PARD3B: variants seen among roughly 807,000 people sequenced by gnomAD.
PARD3B encodes the protein partitioning defective 3 homolog B.
PARD3B carries 103 observed loss-of-function variants against 130.2 expected under a neutral mutation model. The observed-to-expected ratio is 0.79, with a 90% CI of 0.67 to 0.93. PARD3B has a LOEUF of 0.93. PARD3B is among the 40% of genes least tolerant of loss of function. The probability of loss-of-function intolerance (pLI) is 0.00; values close to 1 mark genes in which losing one functional copy is unlikely to be tolerated. For missense variants in PARD3B, 1,609 were observed against 1,499.2 expected (o/e 1.07, Z -1.21); for synonymous variants, 583 against 553.2 (o/e 1.05, Z -0.76).
intron 18 of PARD3B, among the ~76,000 whole-genome samples, chr2:205,355,672 A>G (rs570465282): frequency 1.3e-5 from 2 of 152,304 alleles, no homozygotes; most frequent in South Asian, 4.1e-4. Flanking sequence ...TTTGCATATT[A>G]TATTAGTCAA....
chr2:205,553,415 A>G lies in PARD3B; in HGVS notation c.3260+12A>G. On this transcript the variant is annotated intron_variant, in intron 22 of 22. Transcript: ENST00000406610. ...GCATCCTTACCCAGGTAGATCACGG[A>G]GAGGTCTCCCATCTCCAGCTCACCT... 2 of 1,611,016 alleles carry G rather than the reference A, an allele frequency of 1.2e-6. No individual in the cohort carries two copies. Among genetic ancestry groups the G allele is most frequent in the South Asian group, 1.1e-5 (1 of 90,984 alleles).
At chr2:204,921,594 C>G (rs2047683110) in intron 2 of PARD3B, among the ~76,000 whole-genome samples, 1 of 152,046 alleles carries the variant, frequency 6.6e-6, no homozygotes. Flanking sequence ...TGGTGTTTAT[C>G]AGTGAAATAG....
At chr2:204,634,002 C>A (rs1326630155) in intron 1 of PARD3B, among the ~76,000 whole-genome samples, 1 of 152,054 alleles carries the variant, frequency 6.6e-6, no homozygotes, top group Non-Finnish European at 1.5e-5. Context: ...CAATTACACT[C>A]TTTAAGTTAT....
intron 2 of PARD3B, among the ~76,000 whole-genome samples, chr2:204,808,238 A>G (rs1009210295): frequency 2.0e-5 from 3 of 152,012 alleles, no homozygotes; most frequent in African/African-American, 7.3e-5. Flanking sequence ...TTTCATCTTC[A>G]TTTTAGTACC....
intron 2 of PARD3B, among the ~76,000 whole-genome samples, chr2:204,748,145 G>T (rs1381202052): frequency 6.6e-6 from 1 of 152,092 alleles, no homozygotes; most frequent in Non-Finnish European, 1.5e-5. Flanking sequence ...TAATATGGTT[G>T]AGTACGGTTG....
At chr2:204,738,436 G>C (rs2039852500) in intron 2 of PARD3B, among the ~76,000 whole-genome samples, 1 of 152,132 alleles carries the variant, frequency 6.6e-6, no homozygotes, top group Admixed American at 6.6e-5. Flanking sequence ...TTCTAATGTG[G>C]AACTAATGAG....
At chr2:205,119,736 C>T (rs760967773) in intron 7 of PARD3B, among the ~76,000 whole-genome samples, 4 of 152,024 alleles carry the variant, frequency 2.6e-5, no homozygotes, top group South Asian at 2.1e-4. Flanking sequence ...GAGCCGAGAT[C>T]GCGCCTTTGC....
intron 1 of PARD3B, among the ~76,000 whole-genome samples, chr2:204,670,977 C>T (rs1287739724): frequency 6.6e-6 from 1 of 152,098 alleles, no homozygotes; most frequent in African/African-American, 2.4e-5. Context: ...TGGAGCCCTT[C>T]TTCATTGTCC....
intron 1 of PARD3B, among the ~76,000 whole-genome samples, chr2:204,618,465 G>C (rs1321732085): frequency 6.6e-6 from 1 of 152,184 alleles, no homozygotes; most frequent in Non-Finnish European, 1.5e-5. Context: ...GTGCTATTCA[G>C]AGTGGTTGGA....
At chr2:205,247,132 G>A (rs192981794) in intron 16 of PARD3B, among the ~76,000 whole-genome samples, 1 of 152,192 alleles carries the variant, frequency 6.6e-6, no homozygotes. Flanking sequence ...AGGCTTCAAG[G>A]CAAAAAGTTG....
At chr2:205,086,699 T>C (rs1486532873) in intron 4 of PARD3B, among the ~76,000 whole-genome samples, 1 of 152,132 alleles carries the variant, frequency 6.6e-6, no homozygotes, top group Non-Finnish European at 1.5e-5. Context: ...GAGAAATTAA[T>C]CTCCAGTCAA....
rs543406687 is a variant in PARD3B at position 205,562,800 on chromosome 2, G to A, written c.3260+9397G>A. 6.6e-6 allele frequency among the ~76,000 whole-genome samples: 1 copy of A among 152,054 alleles called. No homozygotes were observed. The highest frequency in any genetic ancestry group is 2.1e-4 in the South Asian group (1 of 4,820). On this transcript the variant is annotated intron_variant, in intron 22 of 22. Coordinates refer to ENST00000406610, the MANE Select transcript of PARD3B (RefSeq NM_001302769.2). The surrounding 1 kb of genome is among the most constrained non-coding windows in gnomAD (Gnocchi z 5.4). ...TGGTGGTGATTTTCTTGATAATGCTGTACCGTTTTGCATGATGCACACTGT... is the reference window on the plus strand; with the variant it reads ...TGGTGGTGATTTTCTTGATAATGCTATACCGTTTTGCATGATGCACACTGT...
At chr2:205,127,701 G>C (rs567477753) in intron 10 of PARD3B, among the ~76,000 whole-genome samples, 1 of 152,018 alleles carries the variant, frequency 6.6e-6, no homozygotes, top group Non-Finnish European at 1.5e-5. Flanking sequence ...TGTGTACTCT[G>C]GGGAGATCTG....
At chr2:204,694,106 T>C (rs1476494643) in intron 2 of PARD3B, among the ~76,000 whole-genome samples, 1 of 152,048 alleles carries the variant, frequency 6.6e-6, no homozygotes, top group African/African-American at 2.4e-5. Context: ...GTTGAAAAAG[T>C]GTGCAGGAAA....
intron 20 of PARD3B, among the ~76,000 whole-genome samples, chr2:205,455,574 A>G (rs376855350): frequency 1.5e-4 from 23 of 152,092 alleles, no homozygotes; most frequent in African/African-American, 5.5e-4. Context: ...GACAGTTCTT[A>G]TCAAATAACT....
chr2:204,924,489 A>G (rs1013343628), intron 2 of PARD3B, among the ~76,000 whole-genome samples: 3 of 152,104 alleles, frequency 2.0e-5, no homozygotes, highest in Non-Finnish European at 2.9e-5. Flanking sequence ...AATACCATGT[A>G]TTAAAAATAT....
At chr2:204,672,890 T>G (rs2036372164) in intron 1 of PARD3B, among the ~76,000 whole-genome samples, 1 of 152,210 alleles carries the variant, frequency 6.6e-6, no homozygotes, top group Non-Finnish European at 1.5e-5. Context: ...AAGAGTGCAG[T>G]GTCAGATGCT....
At chr2:204,588,819 G>A (rs1023658793) in intron 1 of PARD3B, among the ~76,000 whole-genome samples, 48 of 152,192 alleles carry the variant, frequency 3.2e-4, no homozygotes, top group African/African-American at 1.1e-3. Context: ...ATCAGTTCCC[G>A]TTCAATGCAG....
Position 204,980,666 on chromosome 2 carries a change from C to A in PARD3B, c.394+15343C>A, listed in dbSNP as rs556026871. Among the ~76,000 whole-genome samples the A allele has an allele frequency of 2.0e-5, 3 of 152,256 alleles. No individual in the cohort carries two copies. In the East Asian group the frequency reaches 5.8e-4, roughly 29 times the overall value. On this transcript the variant is annotated intron_variant, in intron 3 of 22. Coordinates refer to ENST00000406610, the MANE Select transcript of PARD3B (RefSeq NM_001302769.2). ...ATGGTATTCTTCCTCCAAATCCATA[C>A]CCCCAGGCTAATCATGAGAAGAACA...
Sources: gnomAD v4.1 joint callset for allele counts (sites outside exome capture counted in the v4.1 genomes callset) on GRCh38, gnomAD v4.1.1 for gene constraint, Gnocchi (gnomAD v3.1) non-coding constraint, MANE v1.5 for transcripts, NCBI Gene and HGNC (gene_info 2026-07-23, HGNC 2026-07-21) for gene names.